PRIM2: variants seen among roughly 807,000 people sequenced by gnomAD.
PRIM2 encodes DNA primase large subunit.
In PRIM2, 39 loss-of-function variants were observed where a neutral mutation model predicts 67.3. The ratio of observed to expected loss-of-function variants is 0.58; its 90% confidence interval spans 0.45 to 0.76. The LOEUF (loss-of-function observed/expected upper bound fraction) is 0.76. Among genes scored for constraint, PRIM2 ranks in the 30% least tolerant of loss-of-function variants. PRIM2 has a pLI of 0.00. For synonymous variants in PRIM2, 143 were observed against 198.7 expected, an observed-to-expected ratio of 0.72 and a Z score of 2.36; for missense variants, 398 against 598.7, an observed-to-expected ratio of 0.66 and a Z score of 3.50.
chr6:57,319,252 G>T (rs976463907), intron 2 of PRIM2, among the ~76,000 whole-genome samples: 1 of 152,210 alleles, frequency 6.6e-6, no homozygotes, highest in Non-Finnish European at 1.5e-5. Context: ...AGAAGGATGT[G>T]GCCACCGTCC....
At chr6:57,585,121 T>C (rs1262567742) in intron 10 of PRIM2, among the ~76,000 whole-genome samples, 1 of 152,226 alleles carries the variant, frequency 6.6e-6, no homozygotes, top group African/African-American at 2.4e-5. Context: ...TAAGCTCCTA[T>C]GAGGAGTTAG....
chr6:57,506,502 T>A (rs1399072354), intron 7 of PRIM2, among the ~76,000 whole-genome samples: 2 of 152,082 alleles, frequency 1.3e-5, no homozygotes, highest in East Asian at 3.8e-4. Context: ...AGGTTCTTTT[T>A]TGTGAATTGT....
At chr6:57,221,602 G>C in the PRIM2 span, 4 of 152,432 alleles carry the variant, frequency 2.6e-5, no homozygotes, top group African/African-American at 9.6e-5. Flanking sequence ...CCCAGCCCGG[G>C]TCGCCCCTTC....
At chr6:57,307,463 G>C in the PRIM2 span, among the ~76,000 whole-genome samples, 2 of 151,738 alleles carry the variant, frequency 1.3e-5, no homozygotes, top group Non-Finnish European at 2.9e-5. Context: ...CCGTGGTCTC[G>C]ATCTGACCTC....
At chr6:57,262,388 C>T in the PRIM2 span, among the ~76,000 whole-genome samples, 1 of 152,076 alleles carries the variant, frequency 6.6e-6, no homozygotes, top group Admixed American at 6.5e-5. Flanking sequence ...AGAAATGAAC[C>T]CCCTTCAAAG....
chr6:57,499,059 T>C (rs1310968415), intron 7 of PRIM2, among the ~76,000 whole-genome samples: 1 of 152,216 alleles, frequency 6.6e-6, no homozygotes, highest in Non-Finnish European at 1.5e-5. Context: ...GTCAGCTTCA[T>C]AGCTGGAGGC....
At chr6:57,549,300 C>T (rs1199722951) in intron 10 of PRIM2, among the ~76,000 whole-genome samples, 13 of 152,194 alleles carry the variant, frequency 8.5e-5, no homozygotes, top group Admixed American at 7.9e-4. Context: ...ATATTATCTT[C>T]GTTCGATGGA....
intron 10 of PRIM2, among the ~76,000 whole-genome samples, chr6:57,542,191 G>C (rs1343591913): frequency 6.6e-5 from 10 of 152,142 alleles, no homozygotes; most frequent in Non-Finnish European, 1.3e-4. Flanking sequence ...GCTCAGGCTA[G>C]TCTCGAACTC....
At chr6:57,385,537 G>A (rs1581850859) in intron 7 of PRIM2, among the ~76,000 whole-genome samples, 1 of 152,094 alleles carries the variant, frequency 6.6e-6, no homozygotes, top group African/African-American at 2.4e-5. Context: ...GAAAATTAAT[G>A]TTTATAAGTT....
intron 7 of PRIM2, among the ~76,000 whole-genome samples, chr6:57,422,194 G>C (rs1314614973): frequency 8.2e-6 from 1 of 121,586 alleles, no homozygotes; most frequent in Non-Finnish European, 1.7e-5. Flanking sequence ...TCTCTCAGTC[G>C]CCCAGGCTGG....
intron 7 of PRIM2, among the ~76,000 whole-genome samples, chr6:57,415,952 C>A (rs1401271260): frequency 6.6e-6 from 1 of 152,124 alleles, no homozygotes; most frequent in African/African-American, 2.4e-5. Context: ...ACTTGAACCC[C>A]TCAAAGTCAA....
the PRIM2 span, among the ~76,000 whole-genome samples, chr6:57,293,394 T>C: frequency 1.0e-2 from 1,521 of 152,282 alleles, 29 homozygotes; most frequent in African/African-American, 0.035. Context: ...GGTGGGAGTG[T>C]AAATTAGTTC....
At chr6:57,464,119 C>T (rs1192912533) in intron 7 of PRIM2, among the ~76,000 whole-genome samples, 122 of 152,258 alleles carry the variant, frequency 8.0e-4, no homozygotes, top group African/African-American at 2.6e-3. Context: ...CCTGATCTGC[C>T]TGACTTGGTC....
the PRIM2 span, among the ~76,000 whole-genome samples, chr6:57,270,396 G>A: frequency 6.6e-6 from 1 of 152,186 alleles, no homozygotes; most frequent in African/African-American, 2.4e-5. Flanking sequence ...TGAAGCAATT[G>A]TGAATGGGAG....
intron 5 of PRIM2, among the ~76,000 whole-genome samples, chr6:57,362,518 C>T (rs1350581528): frequency 5.3e-5 from 8 of 151,942 alleles, no homozygotes; most frequent in South Asian, 2.1e-4. Flanking sequence ...TGGAAGACTT[C>T]GGTTATCATT....
At chr6:57,285,377 A>T in the PRIM2 span, among the ~76,000 whole-genome samples, 1 of 152,238 alleles carries the variant, frequency 6.6e-6, no homozygotes, top group African/African-American at 2.4e-5. Flanking sequence ...TCCTCAATAA[A>T]ATACTGGCAA....
At chr6:57,471,124 G>C (rs1373036895) in intron 7 of PRIM2, among the ~76,000 whole-genome samples, 1 of 151,896 alleles carries the variant, frequency 6.6e-6, no homozygotes, top group Non-Finnish European at 1.5e-5. Context: ...AATTTTCCGA[G>C]TCCCTTGGAA....
At chr6:57,241,515 GA>G in the PRIM2 span, among the ~76,000 whole-genome samples, 122,359 of 146,024 alleles carry the variant, frequency 0.84, 51,544 homozygotes, top group South Asian at 0.91. Context: ...ATGGCAAGCA[GA>G]AAAAAAAAAA....
intron 5 of PRIM2, among the ~76,000 whole-genome samples, chr6:57,374,664 C>T (rs1769695269): frequency 6.6e-6 from 1 of 152,104 alleles, no homozygotes; most frequent in South Asian, 2.1e-4. Context: ...GATCTCAGCT[C>T]ACTACAACCT....
Sources: gnomAD v4.1 joint callset for allele counts (sites outside exome capture counted in the v4.1 genomes callset) on GRCh38, gnomAD v4.1.1 for gene constraint, MANE v1.5 for transcripts, NCBI Gene and HGNC (gene_info 2026-07-23, HGNC 2026-07-21) for gene names.